The following SPINT2 variants were observed in gnomAD, a reference collection of about 807,000 sequenced individuals.
SPINT2 encodes the protein serine peptidase inhibitor, Kunitz type 2, also known as kunitz-type protease inhibitor 2.
A neutral mutation model predicts 30.1 loss-of-function variants in SPINT2; 18 were observed. The observed-to-expected ratio is 0.60, with a 90% CI of 0.41 to 0.89. The LOEUF (loss-of-function observed/expected upper bound fraction) is 0.89. Ranked by LOEUF, SPINT2 falls within the 40% of genes least tolerant of loss-of-function variation. The probability of loss-of-function intolerance (pLI) is 0.00; values close to 1 mark genes in which losing one functional copy is unlikely to be tolerated. For synonymous variants in SPINT2, 139 were observed against 137.9 expected (o/e 1.01, Z -0.05); for missense variants, 276 against 334.3 (o/e 0.83, Z 1.36).
At position 38,290,076 on chromosome 19, in the gene SPINT2, C is replaced by T. The variant is rs779308218; in HGVS notation, c.392-43C>T. On this transcript the variant is annotated intron_variant, in intron 4 of 6. Coordinates refer to ENST00000301244, the MANE Select transcript of SPINT2 (RefSeq NM_021102.4). This position sits in a 1 kb window ranked among gnomAD's most constrained non-coding sequence, Gnocchi z 4.3. Reference sequence around the variant, plus strand: ...CTTTCTGGCTTGCTTCCCCTCCTTGCGGGCCCTACTAATTTGTATTCCCTG... The same window carrying T: ...CTTTCTGGCTTGCTTCCCCTCCTTGTGGGCCCTACTAATTTGTATTCCCTG... The T allele has an allele frequency of 3.2e-5, 51 of 1,610,116 alleles. No individual in the cohort carries two copies. Among genetic ancestry groups the T allele is most frequent in the African/African-American group, 1.5e-4 (11 of 74,846 alleles).
At chr19:38,266,075 G>T (rs562561556) in intron 1 of SPINT2, among the ~76,000 whole-genome samples, 6 of 152,346 alleles carry the variant, frequency 3.9e-5, no homozygotes, top group Admixed American at 3.9e-4. Context: ...TGAAGAATGA[G>T]GCAGTAGCCA....
intron 1 of SPINT2, among the ~76,000 whole-genome samples, chr19:38,267,407 T>A (rs1044240222): frequency 1.3e-5 from 2 of 150,252 alleles, no homozygotes; most frequent in Admixed American, 6.7e-5. Context: ...GAGGGAGGAG[T>A]GAACAGAGAA....
Position 38,291,910 on chromosome 19 carries a change from C to A in SPINT2, c.663C>A (p.Ile221=), listed in dbSNP as rs377497678. The part of the protein sequence containing the change: ...LFLGASMVYL[I]RVARRNQERA... Reference sequence around the variant, plus strand: ...TGGGAGCCTCCATGGTCTACCTGATCCGGGTGGCACGGAGGAACCAGGAGC... The same window carrying A: ...TGGGAGCCTCCATGGTCTACCTGATACGGGTGGCACGGAGGAACCAGGAGC... Residue 221 remains isoleucine (I), a synonymous_variant, in exon 7 of 7, where the codon ATC becomes ATA. Transcript: ENST00000301244. 8.0e-5 allele frequency: 129 copies of A among 1,613,936 alleles called. No homozygotes were observed. The highest frequency in any genetic ancestry group is 1.0e-4 in the Non-Finnish European group (123 of 1,180,014).
intron 1 of SPINT2, among the ~76,000 whole-genome samples, chr19:38,280,839 G>A (rs939926247): frequency 6.6e-6 from 1 of 152,162 alleles, no homozygotes; most frequent in Non-Finnish European, 1.5e-5. Context: ...TAATTCACAT[G>A]CCATATGATT....
rs929080481 is a variant in SPINT2, at chr19:38,283,741, A to G, written c.221A>G (p.Asn74Ser). The G allele has an allele frequency of 1.2e-6, 2 of 1,613,784 alleles. No individual in the cohort carries two copies. The highest frequency in any genetic ancestry group is 1.7e-6 in the Non-Finnish European group (2 of 1,180,016). ...TTTGTGTATGGGGGCTGTGACGGAA[A>G]CAGCAATAATTACCTGACCAAGGAG... ...QLFVYGGCDGNSNNYLTKEEC... is the reference protein window; with the variant it reads ...QLFVYGGCDGSSNNYLTKEEC... Residue 74 changes from asparagine to serine, a missense_variant, in exon 2 of 7, where the codon AAC becomes AGC. By Grantham distance (46) the Asn-to-Ser change is conservative (BLOSUM62 1). Coordinates refer to ENST00000301244, the MANE Select transcript of SPINT2 (RefSeq NM_021102.4).
At chr19:38,286,652 G>A (rs977255633) in intron 2 of SPINT2, among the ~76,000 whole-genome samples, 3 of 152,098 alleles carry the variant, frequency 2.0e-5, no homozygotes, top group African/African-American at 4.8e-5. Context: ...GCCTGGTGGC[G>A]GGCGCCTGTG....
intron 2 of SPINT2, among the ~76,000 whole-genome samples, chr19:38,285,508 C>T (rs1968630427): frequency 6.6e-6 from 1 of 152,114 alleles, no homozygotes; most frequent in Non-Finnish European, 1.5e-5. Flanking sequence ...CCACACCTGG[C>T]TAATTTTTGT....
In SPINT2 at chr19:38,291,862, C is replaced by T. The variant is rs372451580; in HGVS notation, c.615C>T (p.Phe205=). 1.6e-5 allele frequency: 26 copies of T among 1,612,898 alleles called. No homozygotes were observed. The highest frequency in any genetic ancestry group is 2.2e-5 in the East Asian group (1 of 44,862). The change falls in exon 7 of 7, where the codon TTC becomes TTT. Residue 205 remains phenylalanine, a synonymous_variant. Coordinates refer to ENST00000301244, the MANE Select transcript of SPINT2 (RefSeq NM_021102.4). ...CAGTGGTGGTTCTGGCGGGGCTGTT[C>T]GTGATGGTGTTGATCCTCTTCCTGG... ...GSKVVVLAGL[F]VMVLILFLGA...
chr19:38,283,099 C>T (rs1441025963), intron 1 of SPINT2, among the ~76,000 whole-genome samples: 1 of 151,654 alleles, frequency 6.6e-6, no homozygotes, highest in Admixed American at 6.6e-5. Flanking sequence ...ATTGCTTGAT[C>T]TCAGGAGTTG....
At chr19:38,274,443 C>T (rs982475580) in intron 1 of SPINT2, among the ~76,000 whole-genome samples, 5 of 152,040 alleles carry the variant, frequency 3.3e-5, no homozygotes, top group Non-Finnish European at 7.4e-5. Flanking sequence ...TTCTCCTTGG[C>T]TACTATCCTT....
chr19:38,271,849 T>C (rs1968460865), intron 1 of SPINT2, among the ~76,000 whole-genome samples: 1 of 151,540 alleles, frequency 6.6e-6, no homozygotes, highest in Non-Finnish European at 1.5e-5. Flanking sequence ...ATTCACATGT[T>C]GTTTTACTCA....
intron 1 of SPINT2, among the ~76,000 whole-genome samples, chr19:38,269,852 G>T (rs1265773208): frequency 1.3e-5 from 2 of 152,184 alleles, no homozygotes; most frequent in Non-Finnish European, 2.9e-5. Flanking sequence ...CTTGTGATCT[G>T]CCCGCCTCGG....
chr19:38,275,569 C>A (rs1968506871), intron 1 of SPINT2, among the ~76,000 whole-genome samples: 1 of 152,050 alleles, frequency 6.6e-6, no homozygotes, highest in South Asian at 2.1e-4. Flanking sequence ...AGGTGTGAGC[C>A]ACTGTATCTG....
chr19:38,286,366 C>T (rs1157965070), intron 2 of SPINT2, among the ~76,000 whole-genome samples: 3 of 152,296 alleles, frequency 2.0e-5, no homozygotes, highest in East Asian at 3.9e-4. Context: ...AGAGGCAGAA[C>T]GCGGGGAGCT....
chr19:38,280,417 A>G (rs554831970), intron 1 of SPINT2, among the ~76,000 whole-genome samples: 2 of 152,136 alleles, frequency 1.3e-5, no homozygotes, highest in Admixed American at 6.5e-5. Context: ...TCAGCATGCA[A>G]CCTGCTTGAC....
intron 1 of SPINT2, among the ~76,000 whole-genome samples, chr19:38,276,673 G>A (rs1469906211): frequency 6.6e-6 from 1 of 152,022 alleles, no homozygotes; most frequent in Non-Finnish European, 1.5e-5. Context: ...TTATTTTAAT[G>A]GATATAAAAA....
intron 3 of SPINT2, chr19:38,288,334 G>A (rs1353262091): frequency 2.8e-5 from 10 of 357,540 alleles, no homozygotes; most frequent in South Asian, 6.8e-5. Flanking sequence ...TGTTGCCATC[G>A]CTGTCCCCTG....
chr19:38,288,061 C>A, intron 3 of SPINT2, 126 bp downstream of exon 3: 1 of 1,144,220 alleles, frequency 8.7e-7, no homozygotes. Flanking sequence ...AATTGGCAAA[C>A]CGGGGGCTCT....
intron 1 of SPINT2, among the ~76,000 whole-genome samples, chr19:38,277,023 A>G (rs1221866449): frequency 6.6e-6 from 1 of 151,750 alleles, no homozygotes; most frequent in East Asian, 2.0e-4. Context: ...GCTGGTCTCG[A>G]ACTCCTAACC....
Sources: gnomAD v4.1 joint callset for allele counts (sites outside exome capture counted in the v4.1 genomes callset) on GRCh38, gnomAD v4.1.1 for gene constraint, Gnocchi (gnomAD v3.1) non-coding constraint, MANE v1.5 for transcripts, NCBI Gene and HGNC (gene_info 2026-07-23, HGNC 2026-07-21) for gene names.